Variants in DACH2 observed in about 807,000 individuals in gnomAD.
The protein encoded by DACH2 is dachshund family transcription factor 2.
DACH2 carries 17 observed loss-of-function variants against 35.8 expected under a neutral mutation model. That is an observed-to-expected ratio of 0.48 (90% CI 0.33 to 0.71). DACH2 has a LOEUF of 0.71. DACH2 is among the 30% of genes least tolerant of loss of function. The pLI is 0.02. For missense variants in DACH2, 469 were observed against 472.7 expected, an observed-to-expected ratio of 0.99 and a Z score of 0.07; for synonymous variants, 195 against 177.3, an observed-to-expected ratio of 1.10 and a Z score of -0.79.
At chrX:86,809,481 C>G (rs2042375081) in intron 7 of DACH2, among the ~76,000 whole-genome samples, 1 of 105,713 alleles carries the variant, frequency 9.5e-6, no homozygotes, top group Non-Finnish European at 2.0e-5. Context: ...GTTCATTTAC[C>G]ATTCATTTTT....
chrX:86,664,614 A>T, intron 4 of DACH2, among the ~76,000 whole-genome samples: 1 of 112,517 alleles, frequency 8.9e-6, no homozygotes, highest in Non-Finnish European at 1.9e-5. Flanking sequence ...CTGTCAAGGC[A>T]AATCAACATC....
chrX:86,299,967 T>C (rs1340209087), intron 1 of DACH2, among the ~76,000 whole-genome samples: 6 of 112,062 alleles, frequency 5.4e-5, no homozygotes, highest in Admixed American at 1.9e-4. Context: ...TTTTGTTACA[T>C]GCATAGAATG....
chrX:86,746,177 C>T (rs1262829907), intron 7 of DACH2, among the ~76,000 whole-genome samples: 4 of 111,577 alleles, frequency 3.6e-5, no homozygotes, highest in African/African-American at 1.3e-4. Flanking sequence ...TGGGATACCT[C>T]CACCTTTTGG....
Position 86,455,877 on chromosome X carries a change from T to C in DACH2, c.528-58402T>C, listed in dbSNP as rs912322684. 2.7e-5 allele frequency among the ~76,000 whole-genome samples: 3 copies of C among 111,487 alleles called. No homozygotes were observed. In the South Asian group the frequency reaches 1.1e-3, roughly 42 times the overall value. Reference sequence around the variant, plus strand: ...ACAGATGGGGATCCCAGGGCCAGAGTATATTAAACTCCTGGGTGTCTGTGT... The same window carrying C: ...ACAGATGGGGATCCCAGGGCCAGAGCATATTAAACTCCTGGGTGTCTGTGT... On this transcript the variant is annotated intron_variant, in intron 2 of 11. Transcript: ENST00000373125.
At chrX:86,244,246 G>T (rs2033230813) in intron 1 of DACH2, among the ~76,000 whole-genome samples, 1 of 111,691 alleles carries the variant, frequency 9.0e-6, no homozygotes, top group African/African-American at 3.3e-5. Context: ...ATTTGAACAG[G>T]GGACAAAAGC....
intron 3 of DACH2, among the ~76,000 whole-genome samples, chrX:86,526,229 TAG>T (rs969594325): frequency 1.8e-5 from 2 of 111,561 alleles, no homozygotes; most frequent in African/African-American, 3.3e-5. Context: ...CAGAGCAAAA[TAG>T]AGTGTCTATC....
At chrX:86,726,553 G>A (rs1476775225) in intron 6 of DACH2, among the ~76,000 whole-genome samples, 1 of 111,761 alleles carries the variant, frequency 8.9e-6, no homozygotes, top group African/African-American at 3.3e-5. Flanking sequence ...GGCAATGGCA[G>A]CAGCCTTGTC....
intron 7 of DACH2, among the ~76,000 whole-genome samples, chrX:86,786,816 G>A (rs2042141482): frequency 8.9e-6 from 1 of 111,940 alleles, no homozygotes; most frequent in Non-Finnish European, 1.9e-5. Context: ...GATATGGTTT[G>A]GCTGTGTCCC....
intron 2 of DACH2, among the ~76,000 whole-genome samples, chrX:86,503,527 T>A (rs191023894): frequency 8.9e-6 from 1 of 112,240 alleles, no homozygotes; most frequent in African/African-American, 3.2e-5. Flanking sequence ...AACTATATAT[T>A]CAAATTATCA....
intron 2 of DACH2, among the ~76,000 whole-genome samples, chrX:86,499,645 G>A (rs1386582150): frequency 4.5e-5 from 5 of 111,366 alleles, no homozygotes; most frequent in African/African-American, 1.6e-4. Flanking sequence ...CTTTTCACGT[G>A]TTTTAGTACA....
At chrX:86,442,869 A>G (rs1353677641) in intron 2 of DACH2, among the ~76,000 whole-genome samples, 1 of 111,701 alleles carries the variant, frequency 9.0e-6, no homozygotes, top group Non-Finnish European at 1.9e-5. Context: ...TTGTAAACAC[A>G]TGGATTTATG....
intron 3 of DACH2, among the ~76,000 whole-genome samples, chrX:86,605,995 T>G (rs1306652940): frequency 9.0e-6 from 1 of 111,580 alleles, no homozygotes; most frequent in Non-Finnish European, 1.9e-5. Context: ...GTATATTAAC[T>G]ATGGTCCCCA....
chrX:86,433,008 C>G (rs2037009751), intron 2 of DACH2, among the ~76,000 whole-genome samples: 1 of 111,862 alleles, frequency 8.9e-6, no homozygotes. Context: ...AGATTCATCA[C>G]TTGCTAGCTA....
intron 2 of DACH2, among the ~76,000 whole-genome samples, chrX:86,503,981 A>G (rs753049529): frequency 4.5e-5 from 5 of 111,986 alleles, no homozygotes; most frequent in Non-Finnish European, 9.4e-5. Flanking sequence ...AACTTCAGAG[A>G]CATCCTTGTA....
Position 86,583,093 on chromosome X carries a change from G to A in DACH2, c.641-67943G>A, listed in dbSNP as rs2039523194. 2.7e-5 allele frequency among the ~76,000 whole-genome samples: 3 copies of A among 111,370 alleles called. No homozygotes were observed. In the South Asian group the frequency reaches 1.1e-3, roughly 41 times the overall value. On this transcript the variant is annotated intron_variant, in intron 3 of 11. Transcript: ENST00000373125. The stretch of plus-strand genomic sequence containing the variant: ...TTAATAAATGTGATTTATCACATAA[G>A]CAGAACTAAAAACAAAAAGTAAATC...
At chrX:86,654,210 A>C (rs868267999) in intron 4 of DACH2, among the ~76,000 whole-genome samples, 3,172 of 105,999 alleles carry the variant, frequency 0.03, 185 homozygotes, top group African/African-American at 0.11. Flanking sequence ...AAAAAAAAAA[A>C]AAAACGCAAT....
intron 1 of DACH2, among the ~76,000 whole-genome samples, chrX:86,246,183 T>G (rs1452695814): frequency 9.0e-6 from 1 of 111,651 alleles, no homozygotes; most frequent in Middle Eastern, 4.6e-3. Flanking sequence ...AAGGGACCAA[T>G]CATATGAACA....
chrX:86,782,036 A>G (rs1180223396), intron 7 of DACH2, among the ~76,000 whole-genome samples: 1 of 112,294 alleles, frequency 8.9e-6, no homozygotes, highest in African/African-American at 3.2e-5. Flanking sequence ...TCTATAGGCT[A>G]ACAGTGAACA....
chrX:86,330,679 T>C (rs1168913154), intron 1 of DACH2, among the ~76,000 whole-genome samples: 2 of 112,161 alleles, frequency 1.8e-5, no homozygotes, highest in Non-Finnish European at 3.8e-5. Context: ...GACTGCATTA[T>C]ATAATTAAAT....
Sources: gnomAD v4.1 joint callset for allele counts (sites outside exome capture counted in the v4.1 genomes callset) on GRCh38, gnomAD v4.1.1 for gene constraint, MANE v1.5 for transcripts, NCBI Gene and HGNC (gene_info 2026-07-23, HGNC 2026-07-21) for gene names.